SOX5: variants seen among roughly 807,000 people sequenced by gnomAD.
The protein encoded by SOX5 is transcription factor SOX-5.
In SOX5, 9 loss-of-function variants were observed where a neutral mutation model predicts 92.0. The observed-to-expected ratio is 0.10, with a 90% CI of 0.06 to 0.17. The LOEUF is 0.17. Ranked by LOEUF, SOX5 falls within the 10% of genes least tolerant of loss-of-function variation. The probability of loss-of-function intolerance (pLI) is 1.00; values close to 1 mark genes in which losing one functional copy is unlikely to be tolerated. For missense variants in SOX5, 642 were observed against 944.5 expected, an observed-to-expected ratio of 0.68 and a Z score of 4.20; for synonymous variants, 344 against 336.3, an observed-to-expected ratio of 1.02 and a Z score of -0.25.
chr12:23,645,117 T>A (rs1193490291), intron 7 of SOX5, among the ~76,000 whole-genome samples: 1 of 152,178 alleles, frequency 6.6e-6, no homozygotes, highest in Non-Finnish European at 1.5e-5. Context: ...TCTAATTAAG[T>A]GCTTATTTGA....
intron 3 of SOX5, among the ~76,000 whole-genome samples, chr12:23,758,683 G>C (rs557721749): frequency 6.6e-6 from 1 of 151,938 alleles, no homozygotes; most frequent in African/African-American, 2.4e-5. Flanking sequence ...GAATGGGTCC[G>C]CCCAAAAGCA....
chr12:23,972,406 G>A (rs1239909345), intron 4 of SOX5, among the ~76,000 whole-genome samples: 1 of 152,090 alleles, frequency 6.6e-6, no homozygotes, highest in Non-Finnish European at 1.5e-5. Flanking sequence ...CACCCAGGCT[G>A]GAGTGCAGTG....
chr12:23,554,266 C>T (rs528854660), intron 11 of SOX5, among the ~76,000 whole-genome samples: 3 of 151,894 alleles, frequency 2.0e-5, no homozygotes, highest in East Asian at 1.9e-4. Flanking sequence ...ACAGGAAGAA[C>T]GAAGGAAGGA....
chr12:24,500,477 C>T (rs1948086851), intron 1 of SOX5, among the ~76,000 whole-genome samples: 1 of 152,058 alleles, frequency 6.6e-6, no homozygotes, highest in African/African-American at 2.4e-5. Context: ...TAAAATAACA[C>T]TTGTATAAAC....
Position 24,370,588 on chromosome 12 carries a change from G to A in SOX5, c.-250-1949C>T, listed in dbSNP as rs1351514942. Among the ~76,000 whole-genome samples, 3 of 151,712 alleles carry A rather than the reference G, an allele frequency of 2.0e-5. No individual in the cohort carries two copies. The East Asian group carries it at 5.8e-4, about 29-fold the overall frequency. Reference sequence around the variant, plus strand: ...AGGTGGATTGCTTGATGCCAGGAGTGTGAGACCAGCCTGGCCAATATGGCG... The same window carrying A: ...AGGTGGATTGCTTGATGCCAGGAGTATGAGACCAGCCTGGCCAATATGGCG... On this transcript the variant is annotated intron_variant, in intron 1 of 4. Transcript: ENST00000446891.
chr12:23,534,728 T>A (rs1410898171), intron 14 of SOX5, among the ~76,000 whole-genome samples: 1 of 144,426 alleles, frequency 6.9e-6, no homozygotes. Context: ...TTTTTTGAGA[T>A]GACGTAGTTT....
intron 4 of SOX5, among the ~76,000 whole-genome samples, chr12:24,084,055 G>C (rs1467479280): frequency 6.6e-6 from 1 of 152,018 alleles, no homozygotes; most frequent in Non-Finnish European, 1.5e-5. Context: ...GCACTGAGGA[G>C]ATAAAAAATC....
At chr12:23,785,597 T>C (rs540743837) in intron 3 of SOX5, among the ~76,000 whole-genome samples, 2 of 152,298 alleles carry the variant, frequency 1.3e-5, no homozygotes, top group South Asian at 2.1e-4. Flanking sequence ...TATTGTTTTG[T>C]TTTTATCAAT....
intron 6 of SOX5, among the ~76,000 whole-genome samples, chr12:23,689,206 C>G (rs1050090776): frequency 1.3e-5 from 2 of 152,100 alleles, no homozygotes; most frequent in Admixed American, 1.3e-4. Context: ...TTGGCTACAG[C>G]ATTATCCTAC....
intron 2 of SOX5, among the ~76,000 whole-genome samples, chr12:23,892,042 A>T (rs1367308052): frequency 6.6e-6 from 1 of 152,204 alleles, no homozygotes; most frequent in Non-Finnish European, 1.5e-5. Flanking sequence ...GTTAGATCCC[A>T]GAAACATAAA....
At chr12:23,686,095 T>A (rs2087517808) in intron 6 of SOX5, among the ~76,000 whole-genome samples, 1 of 152,192 alleles carries the variant, frequency 6.6e-6, no homozygotes, top group South Asian at 2.1e-4. Flanking sequence ...ATCCAGGTAA[T>A]GAAGTGAGCT....
At chr12:24,255,170 T>C (rs1204516686) in intron 3 of SOX5, among the ~76,000 whole-genome samples, 1 of 152,166 alleles carries the variant, frequency 6.6e-6, no homozygotes, top group Non-Finnish European at 1.5e-5. Context: ...TTCCTAATTG[T>C]CCAAATATGA....
intron 2 of SOX5, among the ~76,000 whole-genome samples, chr12:24,330,576 C>A (rs111616704): frequency 3.5e-4 from 53 of 152,204 alleles, no homozygotes; most frequent in African/African-American, 1.3e-3. Context: ...ATTAGCTTCA[C>A]TAGAGAGCCT....
intron 2 of SOX5, among the ~76,000 whole-genome samples, chr12:24,343,070 C>T (rs1046268176): frequency 3.9e-5 from 6 of 152,180 alleles, no homozygotes; most frequent in African/African-American, 1.2e-4. Flanking sequence ...TTAATAGTCA[C>T]CTTCACAAAG....
chr12:24,139,549 T>C (rs1950386438), intron 4 of SOX5, among the ~76,000 whole-genome samples: 1 of 152,238 alleles, frequency 6.6e-6, no homozygotes, highest in South Asian at 2.1e-4. Flanking sequence ...TTTTAATGTA[T>C]TTAGAACCTG....
At chr12:23,582,303 CA>C in intron 9 of SOX5, 2 of 984,572 alleles carry the variant, frequency 2.0e-6, no homozygotes, top group Non-Finnish European at 2.4e-6. Flanking sequence ...AGAAACAAAA[CA>C]AACAAGTATC....
At chr12:24,237,674 A>C (rs1361786283) in intron 3 of SOX5, 1 of 152,162 alleles carries the variant, frequency 6.6e-6, no homozygotes, top group African/African-American at 2.4e-5. Flanking sequence ...TTTTCTAAAC[A>C]TACATAAAGA....
At chr12:23,761,040 A>C (rs2094549506) in intron 3 of SOX5, among the ~76,000 whole-genome samples, 1 of 152,122 alleles carries the variant, frequency 6.6e-6, no homozygotes, top group Admixed American at 6.6e-5. Flanking sequence ...AGCTTAAACT[A>C]AGCTGTTTTA....
At chr12:23,717,407 A>T (rs1166088809) in intron 6 of SOX5, among the ~76,000 whole-genome samples, 1 of 151,834 alleles carries the variant, frequency 6.6e-6, no homozygotes, top group Non-Finnish European at 1.5e-5. Flanking sequence ...CTCAACCATA[A>T]TTTTTTTTCT....
Sources: allele counts gnomAD v4.1 joint callset (sites outside exome capture counted in the v4.1 genomes callset), GRCh38; gene constraint gnomAD v4.1.1; transcripts MANE v1.5; gene names NCBI Gene and HGNC (gene_info 2026-07-23, HGNC 2026-07-21).